The following ATP2B2 variants were observed in gnomAD, a reference collection of about 807,000 sequenced individuals.
The protein encoded by ATP2B2 is plasma membrane calcium-transporting ATPase 2.
Under a neutral mutation model 120.0 loss-of-function variants are expected in ATP2B2, and 15 were observed. The observed-to-expected ratio is 0.12, with a 90% CI of 0.08 to 0.19. The LOEUF (loss-of-function observed/expected upper bound fraction) is 0.19. Ranked by LOEUF, ATP2B2 falls within the 10% of genes least tolerant of loss-of-function variation. The pLI is 1.00. For synonymous variants in ATP2B2, 694 were observed against 700.3 expected, an observed-to-expected ratio of 0.99 and a Z score of 0.14; for missense variants, 1,045 against 1,719.8, an observed-to-expected ratio of 0.61 and a Z score of 6.94.
intron 1 of ATP2B2, among the ~76,000 whole-genome samples, chr3:10,489,751 C>T (rs1222800094): frequency 2.0e-5 from 3 of 152,212 alleles, no homozygotes; most frequent in East Asian, 3.9e-4. Flanking sequence ...CCAGCTGCAC[C>T]GTGAGCCTCC....
intron 1 of ATP2B2, among the ~76,000 whole-genome samples, chr3:10,688,488 C>T (rs2071578293): frequency 6.6e-6 from 1 of 152,194 alleles, no homozygotes. Flanking sequence ...TCCTGCTGTT[C>T]AAGATCAGCA....
At chr3:10,498,250 G>T (rs2066234893) in intron 1 of ATP2B2, among the ~76,000 whole-genome samples, 1 of 152,236 alleles carries the variant, frequency 6.6e-6, no homozygotes, top group African/African-American at 2.4e-5. Context: ...CAGCTGGTCA[G>T]CGGCCAGGCA....
chr3:10,609,159 C>T (rs756084458), intron 2 of ATP2B2, among the ~76,000 whole-genome samples: 2 of 152,326 alleles, frequency 1.3e-5, no homozygotes, highest in East Asian at 1.9e-4. Flanking sequence ...CTCAGGACCC[C>T]GTGGCTCTAC....
intron 1 of ATP2B2, among the ~76,000 whole-genome samples, chr3:10,639,971 G>A (rs982968235): frequency 1.6e-4 from 24 of 152,196 alleles, no homozygotes; most frequent in Admixed American, 1.3e-4. Context: ...GACAGAGGGG[G>A]CCGTACATCC....
At chr3:10,582,699 G>A (rs1016019242) in intron 2 of ATP2B2, among the ~76,000 whole-genome samples, 2 of 151,744 alleles carry the variant, frequency 1.3e-5, no homozygotes, top group South Asian at 2.1e-4. Flanking sequence ...CAGAGGGAAC[G>A]GTAAGTGTAG....
At chr3:10,540,422 A>G (rs1246807603) in intron 2 of ATP2B2, among the ~76,000 whole-genome samples, 1 of 152,232 alleles carries the variant, frequency 6.6e-6, no homozygotes, top group Non-Finnish European at 1.5e-5. Flanking sequence ...GTGCACACGT[A>G]TGTTTACTGC....
At chr3:10,659,774 C>T (rs2070732293) in intron 1 of ATP2B2, among the ~76,000 whole-genome samples, 1 of 152,212 alleles carries the variant, frequency 6.6e-6, no homozygotes, top group Non-Finnish European at 1.5e-5. Context: ...CTCTCCACCC[C>T]AAATCAACAG....
At chr3:10,512,097 C>T (rs551428784) in intron 3 of ATP2B2, among the ~76,000 whole-genome samples, 1 of 152,196 alleles carries the variant, frequency 6.6e-6, no homozygotes, top group South Asian at 2.1e-4. Context: ...GAAACGAGCC[C>T]AGAGAGGGTG....
intron 2 of ATP2B2, 152 bp from the exon 3 acceptor site, chr3:10,410,967 T>A: frequency 1.0e-6 from 1 of 952,652 alleles, no homozygotes; most frequent in Admixed American, 2.1e-5. Context: ...GGGCCCTAAG[T>A]TGGTTCCTGC....
intron 1 of ATP2B2, among the ~76,000 whole-genome samples, chr3:10,475,664 T>C (rs532836426): frequency 1.3e-5 from 2 of 152,254 alleles, no homozygotes; most frequent in African/African-American, 4.8e-5. Flanking sequence ...GTTAGAGGAG[T>C]TCTGCAGTTC....
chr3:10,685,150 G>A lies in ATP2B2; in HGVS notation c.-460+22765C>T, dbSNP rs142021787. 2.0e-5 allele frequency among the ~76,000 whole-genome samples: 3 copies of A among 152,306 alleles called. No individual in the cohort carries two copies. In the East Asian group the frequency reaches 5.8e-4, roughly 29 times the overall value. ...AAAACGGGTGTGCTAAGTCCCCACT[G>A]TTTAATCCCTGGGGTTGCTGTGAGG... On this transcript the variant is annotated intron_variant, in intron 1 of 21. Coordinates refer to the ATP2B2 transcript ENST00000646379.
intron 1 of ATP2B2, among the ~76,000 whole-genome samples, chr3:10,496,977 T>G (rs2066178492): frequency 6.6e-6 from 1 of 152,214 alleles, no homozygotes; most frequent in African/African-American, 2.4e-5. Flanking sequence ...AATTTTGCTG[T>G]GTCAACTCTG....
At chr3:10,564,519 C>T (rs2067969567) in intron 2 of ATP2B2, among the ~76,000 whole-genome samples, 1 of 150,142 alleles carries the variant, frequency 6.7e-6, no homozygotes, top group South Asian at 2.1e-4. Context: ...TCTTGTCTCC[C>T]CCTGTCTAAA....
intron 1 of ATP2B2, among the ~76,000 whole-genome samples, chr3:10,692,261 A>G (rs147774946): frequency 6.8e-4 from 104 of 152,310 alleles, no homozygotes; most frequent in African/African-American, 2.5e-3. Context: ...AGGCATTAGG[A>G]TCTGCTTTGG....
Position 10,627,805 on chromosome 3 carries a change from G to A in ATP2B2, c.-459-7844C>T, listed in dbSNP as rs116305612. On this transcript the variant is annotated intron_variant, in intron 1 of 21. Coordinates refer to the ATP2B2 transcript ENST00000646379. The stretch of plus-strand genomic sequence containing the variant: ...TAAGGTAGACCCAGTGTCTGACCTC[G>A]TGGCCTTCACAGTCTGATGGCCGTT... 2.5e-3 allele frequency among the ~76,000 whole-genome samples: 378 copies of A among 152,292 alleles called. 1 individual carries two copies. The highest frequency in any genetic ancestry group is 8.7e-3 in the African/African-American group (361 of 41,556).
At chr3:10,512,464 G>GCA (rs6147706) in intron 3 of ATP2B2, among the ~76,000 whole-genome samples, 2,948 of 136,740 alleles carry the variant, frequency 0.022, 55 homozygotes, top group South Asian at 0.027. Context: ...AAGTGTGTGC[G>GCA]CACACACACA....
intron 2 of ATP2B2, among the ~76,000 whole-genome samples, chr3:10,577,875 C>T (rs1271838671): frequency 6.6e-6 from 1 of 152,230 alleles, no homozygotes; most frequent in Non-Finnish European, 1.5e-5. Flanking sequence ...TCCAACACTG[C>T]TGCTGATGGT....
At position 10,569,612 on chromosome 3, in the gene ATP2B2, A is replaced by G. The variant is rs1294841565; in HGVS notation, c.-414-35479T>C. The stretch of plus-strand genomic sequence containing the variant: ...TATTAATCCTTAGGATGAAGCTAAG[A>G]TGGACAGTGAGGACAGGGAGTCAGT... On this transcript the variant is annotated intron_variant, in intron 2 of 21. Transcript: ENST00000646379. Among the ~76,000 whole-genome samples, 4 of 152,224 alleles carry G rather than the reference A, an allele frequency of 2.6e-5. No homozygotes were observed. The East Asian group carries it at 7.7e-4, about 29-fold the overall frequency.
chr3:10,475,830 A>G (rs2065184179), intron 1 of ATP2B2, among the ~76,000 whole-genome samples: 1 of 152,170 alleles, frequency 6.6e-6, no homozygotes, highest in African/African-American at 2.4e-5. Flanking sequence ...TTGGCCCTGC[A>G]GTCGGTTGAT....
Sources: gnomAD v4.1 joint callset for allele counts (sites outside exome capture counted in the v4.1 genomes callset) on GRCh38, gnomAD v4.1.1 for gene constraint, MANE v1.5 for transcripts, NCBI Gene and HGNC (gene_info 2026-07-23, HGNC 2026-07-21) for gene names.